The following SCNN1A variants were observed in gnomAD, a reference collection of about 807,000 sequenced individuals.
SCNN1A encodes epithelial sodium channel subunit alpha.
A neutral mutation model predicts 68.6 loss-of-function variants in SCNN1A; 65 were observed. The ratio of observed to expected loss-of-function variants is 0.95; its 90% CI spans 0.78 to 1.16. The LOEUF (loss-of-function observed/expected upper bound fraction) is 1.16. Ranked by LOEUF, SCNN1A falls within the 50% of genes most tolerant of loss-of-function variation. SCNN1A has a pLI of 0.00. For missense variants in SCNN1A, 880 were observed against 865.9 expected (o/e 1.02, Z -0.20); for synonymous variants, 357 against 353.3 (o/e 1.01, Z -0.12).
intron 2 of SCNN1A, among the ~76,000 whole-genome samples, chr12:6,366,111 C>G (rs1354941764): frequency 1.3e-5 from 2 of 152,126 alleles, no homozygotes; most frequent in African/African-American, 4.8e-5. Flanking sequence ...GTCTCGGCCT[C>G]CCAATGTGTT....
chr12:6,362,111 T>TC lies in SCNN1A; in HGVS notation c.814dup (p.Glu272GlyfsTer39), dbSNP rs747904876. 1 of 1,614,246 alleles carries TC rather than the reference T, an allele frequency of 6.2e-7. No homozygotes were observed. The highest frequency in any genetic ancestry group is 2.2e-5 in the East Asian group (1 of 44,892). On this transcript the variant is annotated frameshift_variant, in exon 4 of 13. Coordinates refer to ENST00000228916, the MANE Select transcript of SCNN1A (RefSeq NM_001038.6). LOFTEE classifies it high-confidence loss of function. Reference sequence around the variant, plus strand: ...GAAGATGAAGTTGCCCAGCGTGTCCTCCTCCAGGGATGGCAGAGTCTCTGG... The same window carrying TC: ...GAAGATGAAGTTGCCCAGCGTGTCCTCCCTCCAGGGATGGCAGAGTCTCTGG...
At chr12:6,375,481 A>G in intron 1 of SCNN1A, 24 bp downstream of exon 1, 1 of 1,535,542 alleles carries the variant, frequency 6.5e-7, no homozygotes, top group Non-Finnish European at 8.7e-7. Context: ...TGAATCTGGC[A>G]GCCAAACCTC....
At chr12:6,358,730 T>A (rs1404679861) in intron 4 of SCNN1A, among the ~76,000 whole-genome samples, 3 of 151,862 alleles carry the variant, frequency 2.0e-5, no homozygotes, top group Non-Finnish European at 4.4e-5. Context: ...CATGGTGGCA[T>A]GAGCCTGTAG....
At position 6,372,895 on chromosome 12, in the gene SCNN1A, G is replaced by A. The variant is rs191146950; in HGVS notation, c.416+1473C>T. Among the ~76,000 whole-genome samples, 251 of 152,326 alleles carry A rather than the reference G, an allele frequency of 1.6e-3. No individual in the cohort carries two copies. Among genetic ancestry groups the A allele is most frequent in the Non-Finnish European group, 2.3e-3 (156 of 68,030 alleles). On this transcript the variant is annotated intron_variant, in intron 2 of 12. Transcript: ENST00000228916. The surrounding 1 kb of genome is among the most constrained non-coding windows in gnomAD (Gnocchi z 5.8). ...AAGAGGCAGAGTTTTGGGATTAGGC[G>A]TAAACAGGATGAGTCACAGCTCAGT...
intron 2 of SCNN1A, among the ~76,000 whole-genome samples, chr12:6,366,467 C>A (rs986719464): frequency 1.3e-5 from 2 of 152,156 alleles, no homozygotes; most frequent in African/African-American, 4.8e-5. Flanking sequence ...GTTTAATTTA[C>A]GGTGTTTAGG....
rs766056130 is a variant in SCNN1A at position 6,374,381 on chromosome 12, G to A, written c.403C>T (p.Leu135Phe). Residue 135 changes from leucine to phenylalanine, a missense_variant, in exon 2 of 13, where the codon CTC (leucine) becomes TTC (phenylalanine). Leu to Phe is a conservative substitution (Grantham distance 22). Around this residue, in one of 3 missense-constraint regions of SCNN1A, gnomAD observed 758 missense variants for 721.8 expected, o/e 1.05. Coordinates refer to ENST00000228916, the MANE Select transcript of SCNN1A (RefSeq NM_001038.6). This position sits in a 1 kb window ranked among gnomAD's most constrained non-coding sequence, Gnocchi z 6.2. The part of the protein sequence containing the change: ...LVFPAVTICT[L>F]NPYRYPEIKE... ...GGACTAACCGACCTGTAGGGATTGAGGGTGCAGATGGTCACTGCGGGGAAG... is the reference window on the plus strand; with the variant it reads ...GGACTAACCGACCTGTAGGGATTGAAGGTGCAGATGGTCACTGCGGGGAAG... The A allele has an allele frequency of 1.9e-6, 3 of 1,614,216 alleles. No homozygotes were observed. Among genetic ancestry groups the A allele is most frequent in the Admixed American group, 3.3e-5 (2 of 60,024 alleles).
intron 2 of SCNN1A, among the ~76,000 whole-genome samples, chr12:6,366,479 C>T (rs540088488): frequency 1.3e-5 from 2 of 152,190 alleles, no homozygotes; most frequent in East Asian, 1.9e-4. Context: ...GTGTTTAGGC[C>T]GCACCCGAAA....
upstream of SCNN1A, chr12:6,377,180 G>A (rs535288498): frequency 3.0e-5 from 40 of 1,318,268 alleles, no homozygotes; most frequent in South Asian, 1.2e-4. Flanking sequence ...CCTCTCTTGC[G>A]GCAGTCTCTT....
chr12:6,375,637 G>A, upstream of SCNN1A: 1 of 1,488,618 alleles, frequency 6.7e-7, no homozygotes, highest in South Asian at 1.3e-5. Flanking sequence ...GTCAGAGCCG[G>A]GAGTTTTCCG....
chr12:6,361,951 A>G, intron 4 of SCNN1A, 100 bp downstream of exon 4: 1 of 1,331,380 alleles, frequency 7.5e-7, no homozygotes, highest in East Asian at 2.3e-5. Flanking sequence ...GCATTTTTTT[A>G]GTCAACAAGC....
chr12:6,373,636 A>G (rs1413518434), intron 2 of SCNN1A, among the ~76,000 whole-genome samples: 1 of 152,132 alleles, frequency 6.6e-6, no homozygotes, highest in African/African-American at 2.4e-5. Flanking sequence ...CAGACCCAAC[A>G]TTGGCAAAGA....
At chr12:6,367,963 GC>G (rs1948708746) in intron 2 of SCNN1A, among the ~76,000 whole-genome samples, 1 of 152,182 alleles carries the variant, frequency 6.6e-6, no homozygotes, top group South Asian at 2.1e-4. Context: ...AGCTCTGGCA[GC>G]CCCTGAACTT....
Position 6,347,946 on chromosome 12 carries a change from G to T in SCNN1A, c.1937C>A (p.Thr646Asn), listed in dbSNP as rs752130523. The stretch of plus-strand genomic sequence containing the variant: ...CCCTGGAGATGGGCGGGGGCCCAGG[G>T]TGGCATAGGCAGGGGGAGGGGCTGT... Reference protein sequence around the residue: ...ALTAPPPAYATLGPRPSPGGS... With the variant: ...ALTAPPPAYANLGPRPSPGGS... Residue 646 changes from threonine (T) to asparagine (N), a missense_variant, in exon 13 of 13, where the codon ACC (threonine) becomes AAC (asparagine). Coordinates refer to ENST00000228916, the MANE Select transcript of SCNN1A (RefSeq NM_001038.6). 2.3e-5 allele frequency: 37 copies of T among 1,576,834 alleles called. No homozygotes were observed. Among genetic ancestry groups the T allele is most frequent in the Non-Finnish European group, 3.0e-5 (35 of 1,158,698 alleles).
chr12:6,369,296 ACCTCCCTCCTGCCACCCTACG>A (rs1948738542), intron 2 of SCNN1A, among the ~76,000 whole-genome samples: 1 of 106,806 alleles, frequency 9.4e-6, no homozygotes, highest in African/African-American at 3.4e-5. Context: ...CACCCTACTC[ACCTCCCTCCTGCCACCCTACG>A]CACCTCCCTC....
Position 6,355,440 on chromosome 12 carries a change from G to A in SCNN1A, c.980-5C>T, listed in dbSNP as rs745974876. 2 of 1,613,708 alleles carry A rather than the reference G, an allele frequency of 1.2e-6. No individual in the cohort carries two copies. Among genetic ancestry groups the A allele is most frequent in the South Asian group, 2.2e-5 (2 of 90,992 alleles). On this transcript the variant is annotated splice_region_variant and splice_polypyrimidine_tract_variant and intron_variant, in intron 5 of 12. Transcript: ENST00000228916. ...CGCGCAGCATCAGGGACAGACCTAG[G>A]GGTGCAGAGAGAGCAGAGTTGGCAG...
Position 6,363,486 on chromosome 12 carries a change from T to G in SCNN1A, c.641A>C (p.Asn214Thr), listed in dbSNP as rs1948618485. The change falls in exon 3 of 13, where the codon AAC becomes ACC. Residue 214 changes from asparagine (N) to threonine (T), a missense_variant. By Grantham distance (65) the Asn-to-Thr change is moderately conservative. Around this residue, in one of 3 missense-constraint regions of SCNN1A, gnomAD observed 758 missense variants for 721.8 expected, o/e 1.05. Transcript: ENST00000228916. Reference protein sequence around the residue: ...RSVASSLRDNNPQVDWKDWKI... With the variant: ...RSVASSLRDNTPQVDWKDWKI... Reference sequence around the variant, plus strand: ...CCAGTCCTTCCAGTCCACCTGGGGGTTGTTGTCCCGCAAGCTGGAGGCCAC... The same window carrying G: ...CCAGTCCTTCCAGTCCACCTGGGGGGTGTTGTCCCGCAAGCTGGAGGCCAC... 6.2e-7 allele frequency: 1 copy of G among 1,604,652 alleles called. No individual in the cohort carries two copies. The highest frequency in any genetic ancestry group is 1.7e-5 in the Admixed American group (1 of 59,314).
chr12:6,375,930 A>T, upstream of SCNN1A: 1 of 1,040,734 alleles, frequency 9.6e-7, no homozygotes, highest in Non-Finnish European at 1.2e-6. Context: ...ACAGAGAGAT[A>T]GGGATGGAGG....
At position 6,354,525 on chromosome 12, in the gene SCNN1A, T is replaced by C; in HGVS notation, c.1273A>G (p.Met425Val). ...TAGGCACAGCCACACTCCTTGATCA[T>C]GCTCTCCTGGAAGCAGGAGTGAATA... is the stretch of plus-strand genomic sequence containing the variant. ...VCIHSCFQESMIKECGCAYIF... is the reference protein window; with the variant it reads ...VCIHSCFQESVIKECGCAYIF... The change falls in exon 8 of 13, where the codon ATG (methionine) becomes GTG (valine). Residue 425 changes from methionine to valine, a missense_variant. Met to Val is a conservative substitution (Grantham distance 21, BLOSUM62 1). This residue lies in a region of SCNN1A where 758 missense variants were observed against 721.8 expected (regional missense o/e 1.05). Coordinates refer to ENST00000228916, the MANE Select transcript of SCNN1A (RefSeq NM_001038.6). 2 of 1,613,976 alleles carry C rather than the reference T, an allele frequency of 1.2e-6. No individual in the cohort carries two copies. Among genetic ancestry groups the C allele is most frequent in the Non-Finnish European group, 1.7e-6 (2 of 1,179,986 alleles).
rs1172740432 is a variant in SCNN1A, at chr12:6,347,983, A to G, written c.1900T>C (p.Ser634Pro). ...LSLSQPGPAPSPALTAPPPAY... is the reference protein window; with the variant it reads ...LSLSQPGPAPPPALTAPPPAY... ...GGGGGAGGGGCTGTCAAGGCTGGAG[A>G]GGGAGCAGGGCCTGGCTGGGACAAG... Residue 634 changes from serine (S) to proline (P), a missense_variant, in exon 13 of 13, where the codon TCT (serine) becomes CCT (proline). Around this residue, in one of 3 missense-constraint regions of SCNN1A, gnomAD observed 758 missense variants for 721.8 expected, o/e 1.05. Transcript: ENST00000228916. The G allele has an allele frequency of 6.4e-7, 1 of 1,570,658 alleles. No homozygotes were observed.
Sources: gnomAD v4.1 joint callset for allele counts (sites outside exome capture counted in the v4.1 genomes callset) on GRCh38, gnomAD v4.1.1 for gene constraint, gnomAD v4.1.1 regional missense constraint, Gnocchi (gnomAD v3.1) non-coding constraint, MANE v1.5 for transcripts, NCBI Gene and HGNC (gene_info 2026-07-23, HGNC 2026-07-21) for gene names.